Variants in PPL observed in about 807,000 individuals in gnomAD.
PPL encodes the protein 190 kDa paraneoplastic pemphigus antigen.
PPL carries 198 observed loss-of-function variants against 194.4 expected under a neutral mutation model. The observed-to-expected ratio is 1.02, with a 90% CI of 0.91 to 1.15. PPL has a LOEUF of 1.15. Among genes scored for constraint, PPL ranks in the 50% most tolerant of loss-of-function variants. The pLI is 0.00. For missense variants in PPL, 2,885 were observed against 2,294.8 expected (o/e 1.26, Z -5.25); for synonymous variants, 1,220 against 972.4 (o/e 1.25, Z -4.74).
At chr16:4,887,343 C>CAT in intron 20 of PPL, 116 bp from the exon 21 acceptor site, 1 of 746,404 alleles carries the variant, frequency 1.3e-6, no homozygotes, top group South Asian at 1.5e-5. Flanking sequence ...GGGGTAGAGG[C>CAT]ATAGCTCTTG....
At chr16:4,915,342 C>T (rs2088897252) in intron 1 of PPL, among the ~76,000 whole-genome samples, 1 of 152,250 alleles carries the variant, frequency 6.6e-6, no homozygotes, top group African/African-American at 2.4e-5. Context: ...CAGCCTCAGG[C>T]AAGTGCCCTA....
rs762385619 is a variant in PPL at position 4,893,299 on chromosome 16, C to G, written c.1564G>C (p.Glu522Gln). Residue 522 changes from glutamate to glutamine, a missense_variant, in exon 14 of 22, where the codon GAG becomes CAG. Transcript: ENST00000345988. ...CGCAGGATCCCTGTGATGGCCTTCTCCTGCCGGTCCAGGTCGCTGGCCACC... is the reference window on the plus strand; with the variant it reads ...CGCAGGATCCCTGTGATGGCCTTCTGCTGCCGGTCCAGGTCGCTGGCCACC... ...DKVASDLDRQ[E>Q]KAITGILRPP... The G allele has an allele frequency of 6.2e-7, 1 of 1,606,714 alleles. No individual in the cohort carries two copies. The highest frequency in any genetic ancestry group is 8.5e-7 in the Non-Finnish European group (1 of 1,178,876).
At position 4,900,857 on chromosome 16, in the gene PPL, T is replaced by G. The variant is rs765767448; in HGVS notation, c.579A>C (p.Glu193Asp). Residue 193 changes from glutamate to aspartate, a missense_variant, in exon 6 of 22, where the codon GAA becomes GAC. Glu to Asp is a conservative substitution (Grantham distance 45). Coordinates refer to ENST00000345988, the MANE Select transcript of PPL (RefSeq NM_002705.5). ...GCAGTTTCTGGTACTTGGCCCGGAGTTCGCTGTTCTGCTCCTGAGGACAGA... is the reference window on the plus strand; with the variant it reads ...GCAGTTTCTGGTACTTGGCCCGGAGGTCGCTGTTCTGCTCCTGAGGACAGA... ...AKDGDKEQNS[E>D]LRAKYQKLLA... is the part of the protein sequence containing the mutation. 6.2e-7 allele frequency: 1 copy of G among 1,613,938 alleles called. No individual in the cohort carries two copies. Among genetic ancestry groups the G allele is most frequent in the Non-Finnish European group, 8.5e-7 (1 of 1,180,022 alleles).
At chr16:4,930,423 C>T (rs949568657) in intron 1 of PPL, among the ~76,000 whole-genome samples, 6 of 152,358 alleles carry the variant, frequency 3.9e-5, no homozygotes, top group Admixed American at 3.9e-4. Context: ...CTGCCCCATT[C>T]ATCCCCACCT....
intron 7 of PPL, 26 bp from the exon 8 acceptor site, chr16:4,899,146 C>T (rs769792414): frequency 1.4e-5 from 22 of 1,613,386 alleles, no homozygotes; most frequent in Non-Finnish European, 1.7e-5. Context: ...GTGGAGGGGC[C>T]TCAGTGCCCA....
rs1331740589 is a variant in PPL, at chr16:4,895,815, TCCGGTTCA to T, written c.973-107_973-100del. 3 of 1,535,644 alleles carry T rather than the reference TCCGGTTCA, an allele frequency of 2.0e-6. No individual in the cohort carries two copies. The African/African-American group carries it at 4.1e-5, about 21-fold the overall frequency. ...CTCATCCCTCAGGCGGGGCTGGGCCTCCGGTTCACCTGGAGTCCAGCATGGGACCCTGT... is the reference window on the plus strand; with the variant it reads ...CTCATCCCTCAGGCGGGGCTGGGCCTCCTGGAGTCCAGCATGGGACCCTGT... On this transcript the variant is annotated intron_variant, in intron 9 of 21. Transcript: ENST00000345988.
Position 4,901,069 on chromosome 16 carries a change from G to A in PPL, c.459C>T (p.Ser153=), listed in dbSNP as rs1351970112. 1.2e-6 allele frequency: 2 copies of A among 1,614,072 alleles called. No homozygotes were observed. Among genetic ancestry groups the A allele is most frequent in the Non-Finnish European group, 1.7e-6 (2 of 1,180,044 alleles). ...CCACCAGCGGCAGGTCAGTCCCAAA[G>A]CTCTGGTTGTTCAGCTTGTCCTGGC... ...EEKLDKLNNQ[S]FGTDLPLVDH... Residue 153 remains serine, a synonymous_variant, in exon 5 of 22, where the codon AGC becomes AGT. Coordinates refer to ENST00000345988, the MANE Select transcript of PPL (RefSeq NM_002705.5).
intron 1 of PPL, among the ~76,000 whole-genome samples, chr16:4,930,450 C>T (rs1260878831): frequency 1.3e-5 from 2 of 152,222 alleles, no homozygotes; most frequent in African/African-American, 4.8e-5. Flanking sequence ...TCTGCTGGTC[C>T]TGGGGTGTGA....
At position 4,887,221 on chromosome 16, in the gene PPL, C is replaced by G. The variant is rs1567989778; in HGVS notation, c.2521G>C (p.Ala841Pro). ...PATKVKEEEAALAAKFTEVYA... is the reference protein window; with the variant it reads ...PATKVKEEEAPLAAKFTEVYA... ...ACTTCAGTGAACTTGGCGGCAAGTG[C>G]TGCTTCCTGCAGAGAAGAGGATTAG... Residue 841 changes from alanine to proline, a missense_variant, in exon 21 of 22, where the codon GCA (alanine) becomes CCA (proline). By Grantham distance (27) the Ala-to-Pro change is conservative. Coordinates refer to ENST00000345988, the MANE Select transcript of PPL (RefSeq NM_002705.5). The G allele has an allele frequency of 6.2e-7, 1 of 1,613,472 alleles. No homozygotes were observed. The highest frequency in any genetic ancestry group is 8.5e-7 in the Non-Finnish European group (1 of 1,179,406).
intron 1 of PPL, among the ~76,000 whole-genome samples, chr16:4,921,346 T>C (rs1298648955): frequency 6.6e-6 from 1 of 152,180 alleles, no homozygotes; most frequent in Non-Finnish European, 1.5e-5. Flanking sequence ...GCCATCTTCT[T>C]GTGTCCCAGG....
Position 4,883,458 on chromosome 16 carries a change from C to T in PPL, c.5197G>A (p.Ala1733Thr), listed in dbSNP as rs2088140118. The T allele has an allele frequency of 4.3e-6, 7 of 1,614,138 alleles. No individual in the cohort carries two copies. Among genetic ancestry groups the T allele is most frequent in the Non-Finnish European group, 5.1e-6 (6 of 1,180,024 alleles). ...TTGTTGACATAGCGGTCATACTGAG[C>T]AGGGGTCAGCCTGCCACTCTGCAGG... ...EALQSGRLTPAQYDRYVNKDM... is the reference protein window; with the variant it reads ...EALQSGRLTPTQYDRYVNKDM... Residue 1733 changes from alanine to threonine, a missense_variant, in exon 22 of 22, where the codon GCT becomes ACT. Physicochemically the swap from Ala to Thr is moderately conservative, Grantham distance 58 (BLOSUM62 0). Transcript: ENST00000345988. This position sits in a 1 kb window ranked among gnomAD's most constrained non-coding sequence, Gnocchi z 4.8.
At chr16:4,889,505 C>T (rs1596545891) in intron 18 of PPL, among the ~76,000 whole-genome samples, 2 of 151,988 alleles carry the variant, frequency 1.3e-5, no homozygotes, top group African/African-American at 4.8e-5. Context: ...GATCCTCCTG[C>T]CTCAGCCTCC....
In PPL at chr16:4,883,815, A is replaced by T. The variant is rs577163843; in HGVS notation, c.4840T>A (p.Ser1614Thr). ...SGTNHDSRLW[S>T]LERELDDLKR... ...AGGTCATCCAGTTCCCTCTCCAGGG[A>T]CCACAGTCTGGAGTCATGGTTGGTC... Residue 1614 changes from serine (S) to threonine (T), a missense_variant, in exon 22 of 22, where the codon TCC (serine) becomes ACC (threonine). By Grantham distance (58) the Ser-to-Thr change is moderately conservative. Transcript: ENST00000345988. This position sits in a 1 kb window ranked among gnomAD's most constrained non-coding sequence, Gnocchi z 4.8. 4 of 1,613,906 alleles carry T rather than the reference A, an allele frequency of 2.5e-6. No homozygotes were observed. In the South Asian group the frequency reaches 4.4e-5, roughly 18 times the overall value.
intron 1 of PPL, among the ~76,000 whole-genome samples, chr16:4,920,371 G>GGAAGAAAGAAAGAAAGAAA (rs1555523899): frequency 1.1e-5 from 1 of 94,234 alleles, no homozygotes; most frequent in Non-Finnish European, 2.4e-5. Context: ...AAGAAAGAAA[G>GGAAGAAAGAAAGAAAGAAA]GACACCTCGG....
At chr16:4,933,527 T>C (rs1186016676) in intron 1 of PPL, among the ~76,000 whole-genome samples, 1 of 152,124 alleles carries the variant, frequency 6.6e-6, no homozygotes, top group African/African-American at 2.4e-5. Flanking sequence ...ATGCCTCCTC[T>C]GTGAAGTCCT....
chr16:4,932,479 G>T (rs1000716780), intron 1 of PPL, among the ~76,000 whole-genome samples: 2 of 149,586 alleles, frequency 1.3e-5, no homozygotes, highest in African/African-American at 4.9e-5. Flanking sequence ...GTGTGATCTC[G>T]GCTCACTGCA....
intron 1 of PPL, among the ~76,000 whole-genome samples, chr16:4,936,257 G>A (rs1263572596): frequency 6.6e-6 from 1 of 152,202 alleles, no homozygotes; most frequent in Non-Finnish European, 1.5e-5. Context: ...GAGCTTCGAA[G>A]AGGAGGCCCC....
Position 4,884,530 on chromosome 16 carries a change from G to C in PPL, c.4125C>G (p.Ile1375Met). The change falls in exon 22 of 22, where the codon ATC becomes ATG. Residue 1375 changes from isoleucine (I) to methionine (M), a missense_variant. By Grantham distance (10) the Ile-to-Met change is conservative. Coordinates refer to ENST00000345988, the MANE Select transcript of PPL (RefSeq NM_002705.5). This position sits in a 1 kb window ranked among gnomAD's most constrained non-coding sequence, Gnocchi z 5.7. Reference sequence around the variant, plus strand: ...TGTCAATCTGCCGCAGCTCCACATCGATGCTCTCGGCAAAGGCGCTCGCCT... The same window carrying C: ...TGTCAATCTGCCGCAGCTCCACATCCATGCTCTCGGCAAAGGCGCTCGCCT... ...RAEASAFAES[I>M]DVELRQIDKL... is the part of the protein sequence containing the mutation. 6.2e-7 allele frequency: 1 copy of C among 1,612,222 alleles called. No homozygotes were observed. Among genetic ancestry groups the C allele is most frequent in the South Asian group, 1.1e-5 (1 of 91,018 alleles).
chr16:4,910,183 G>A (rs2088790252), intron 2 of PPL, among the ~76,000 whole-genome samples: 1 of 152,188 alleles, frequency 6.6e-6, no homozygotes, highest in Non-Finnish European at 1.5e-5. Context: ...AAGGGAAACT[G>A]AGGCACAGAT....
Sources: allele counts gnomAD v4.1 joint callset (sites outside exome capture counted in the v4.1 genomes callset), GRCh38; gene constraint gnomAD v4.1.1; non-coding constraint Gnocchi (gnomAD v3.1); transcripts MANE v1.5; gene names NCBI Gene and HGNC (gene_info 2026-07-23, HGNC 2026-07-21).